The following MYBPC1 variants were observed in gnomAD, a reference collection of about 807,000 sequenced individuals.
MYBPC1 encodes the protein myosin binding protein C1.
In MYBPC1, 52 loss-of-function variants were observed where a neutral mutation model predicts 147.1. The observed-to-expected ratio is 0.35, with a 90% CI of 0.28 to 0.45. MYBPC1 has a LOEUF of 0.45. Ranked by LOEUF, MYBPC1 falls within the 20% of genes least tolerant of loss-of-function variation. The pLI is 1.00. For missense variants in MYBPC1, 1,228 were observed against 1,440.3 expected (o/e 0.85, Z 2.39); for synonymous variants, 477 against 475.9 (o/e 1.00, Z -0.03).
chr12:101,662,213 A>G, intron 20 of MYBPC1, 145 bp from the exon 21 acceptor site: 1 of 667,560 alleles, frequency 1.5e-6, no homozygotes, highest in Non-Finnish European at 2.5e-6. Flanking sequence ...TTGGAATAAG[A>G]TAGGTTAAAA....
chr12:101,632,138 G>A lies in MYBPC1; in HGVS notation c.556G>A (p.Glu186Lys), dbSNP rs1370563966. 4 of 1,594,072 alleles carry A rather than the reference G, an allele frequency of 2.5e-6. No homozygotes were observed. Among genetic ancestry groups the A allele is most frequent in the African/African-American group, 2.7e-5 (2 of 74,486 alleles). Residue 186 changes from glutamate (E) to lysine (K), a missense_variant and splice_region_variant, in exon 8 of 32, where the codon GAA becomes AAA. By Grantham distance (56) the Glu-to-Lys change is moderately conservative. Transcript: ENST00000361466. ...CTGTTCATTTGATCTTGAAGTGCAC[G>A]GTAAGAGAGCCTTCTTGCCTAGATA... ...DSCSFDLEVH[E>K]STGTTPNIDI...
chr12:101,694,394 A>G, the MYBPC1 span, among the ~76,000 whole-genome samples: 2 of 152,226 alleles, frequency 1.3e-5, no homozygotes, highest in African/African-American at 4.8e-5. Context: ...ACAGAATGGT[A>G]TCCTGCCCCT....
At chr12:101,616,223 T>A (rs1284787862) in intron 2 of MYBPC1, among the ~76,000 whole-genome samples, 1 of 152,214 alleles carries the variant, frequency 6.6e-6, no homozygotes, top group Non-Finnish European at 1.5e-5. Context: ...CTAGTGTAGA[T>A]GTGTGACATT....
rs1888972853 is a variant in MYBPC1 at position 101,627,819 on chromosome 12, A to G, written c.178+15A>G. The G allele has an allele frequency of 1.2e-6, 2 of 1,612,070 alleles. No individual in the cohort carries two copies. Among genetic ancestry groups the G allele is most frequent in the African/African-American group, 2.7e-5 (2 of 74,858 alleles). On this transcript the variant is annotated intron_variant, in intron 5 of 31. Transcript: ENST00000361466. ...AAAAGATTCAGGTGAGCGCAAGCCC[A>G]GAGAAGGCATCCTGACCTCATCCTA... is the stretch of plus-strand genomic sequence containing the variant.
chr12:101,608,903 CAT>C (rs1404105513), intron 1 of MYBPC1, among the ~76,000 whole-genome samples: 1 of 152,130 alleles, frequency 6.6e-6, no homozygotes, highest in Non-Finnish European at 1.5e-5. Flanking sequence ...CAATGAAAGA[CAT>C]AGTGTTCCTT....
At chr12:101,666,385 C>G (rs1474873405) in intron 22 of MYBPC1, 1 of 302,456 alleles carries the variant, frequency 3.3e-6, no homozygotes, top group South Asian at 3.3e-5. Context: ...GCTGCTCCCC[C>G]GCAGATTCCA....
rs825073 is a variant in MYBPC1 at position 101,626,710 on chromosome 12, A to T, written c.104-162A>T. ...TTATTTTTTCTTTCTTTGCCTGAAA[A>T]ACTCAGGTTTCACTTTTCAGGTACC... On this transcript the variant is annotated intron_variant, in intron 3 of 31. Transcript: ENST00000361466. The T allele has an allele frequency of 0.47, 320,780 of 679,356 alleles. 78,299 individuals are homozygous for T. The highest frequency in any genetic ancestry group is 0.67 in the East Asian group (25,625 of 38,256). 42.1% of individuals were successfully genotyped at this position (679,356 alleles called of 1,614,324 possible). A position where few individuals can be genotyped will look rare whatever the true frequency, so the allele number is the denominator to read the frequency against.
chr12:101,598,723 G>A (rs1285377029), intron 1 of MYBPC1, among the ~76,000 whole-genome samples: 2 of 152,062 alleles, frequency 1.3e-5, no homozygotes, highest in Non-Finnish European at 2.9e-5. Flanking sequence ...ACAGATGCAT[G>A]CCATCATGCC....
In MYBPC1 at chr12:101,636,662, T is replaced by A. The variant is rs1891045910; in HGVS notation, c.609-10T>A. ...TAAACCCAGATTTGCTTTTCTTTTG[T>A]TAACGACAGTGGAGAAGGTCAAGAG... On this transcript the variant is annotated splice_polypyrimidine_tract_variant and intron_variant, in intron 9 of 31. Transcript: ENST00000361466. The A allele has an allele frequency of 6.8e-6, 11 of 1,613,428 alleles. No homozygotes were observed. The highest frequency in any genetic ancestry group is 1.7e-5 in the Admixed American group (1 of 60,014).
rs752615579 is a variant in MYBPC1, at chr12:101,606,875, A to C, written c.26-7621A>C. Among the ~76,000 whole-genome samples, 3 of 152,068 alleles carry C rather than the reference A, an allele frequency of 2.0e-5. No individual in the cohort carries two copies. The East Asian group carries it at 5.8e-4, about 29-fold the overall frequency. On this transcript the variant is annotated intron_variant, in intron 1 of 31. Coordinates refer to ENST00000361466, the MANE Select transcript of MYBPC1 (RefSeq NM_002465.4). ...TGTTTGAGTCTGTCACTCAGGCTGGAGTGCAGTGGTGCAATCTTGACTCAC... is the reference window on the plus strand; with the variant it reads ...TGTTTGAGTCTGTCACTCAGGCTGGCGTGCAGTGGTGCAATCTTGACTCAC...
chr12:101,634,229 C>A (rs1890554386), intron 8 of MYBPC1, among the ~76,000 whole-genome samples: 1 of 152,186 alleles, frequency 6.6e-6, no homozygotes, highest in East Asian at 1.9e-4. Context: ...ATATTGATTT[C>A]TGGGTGCCCC....
chr12:101,690,695 A>G (rs1456296488), downstream of MYBPC1, among the ~76,000 whole-genome samples: 1 of 152,212 alleles, frequency 6.6e-6, no homozygotes, highest in East Asian at 1.9e-4. Context: ...TGCTTTTGCA[A>G]TTTCAGATAA....
At chr12:101,636,537 A>G in intron 9 of MYBPC1, 135 bp from the exon 10 acceptor site, 1 of 746,034 alleles carries the variant, frequency 1.3e-6, no homozygotes, top group Non-Finnish European at 2.4e-6. Context: ...ACTTGTGTGA[A>G]AAGAAATAGT....
At chr12:101,637,688 T>C (rs1410178740) in intron 10 of MYBPC1, among the ~76,000 whole-genome samples, 1 of 152,188 alleles carries the variant, frequency 6.6e-6, no homozygotes, top group African/African-American at 2.4e-5. Flanking sequence ...AGACTACAAG[T>C]ACAAATATGC....
At chr12:101,643,749 T>C (rs925053208) in intron 11 of MYBPC1, among the ~76,000 whole-genome samples, 1 of 152,196 alleles carries the variant, frequency 6.6e-6, no homozygotes, top group East Asian at 1.9e-4. Flanking sequence ...ACTTTTTTTT[T>C]AATTGCTGTG....
chr12:101,666,884 A>G, intron 22 of MYBPC1: 1 of 789,254 alleles, frequency 1.3e-6, no homozygotes. Flanking sequence ...AAGAATACTC[A>G]TCACATACAT....
intron 11 of MYBPC1, 127 bp from the exon 12 acceptor site, chr12:101,644,537 T>C (rs1401402112): frequency 3.6e-6 from 3 of 841,696 alleles, no homozygotes; most frequent in Non-Finnish European, 5.8e-6. Flanking sequence ...ATTTGGAAGG[T>C]TTCTGATTTT....
chr12:101,612,587 T>G (rs1306135893), intron 1 of MYBPC1, among the ~76,000 whole-genome samples: 1 of 152,132 alleles, frequency 6.6e-6, no homozygotes, highest in Non-Finnish European at 1.5e-5. Context: ...AATAATGGGA[T>G]GAAACACAGT....
chr12:101,622,801 G>A (rs193119231), intron 3 of MYBPC1, among the ~76,000 whole-genome samples: 104 of 152,198 alleles, frequency 6.8e-4, no homozygotes, highest in African/African-American at 2.2e-3. Flanking sequence ...TGTTGATTAT[G>A]TTTTCTAGCA....
Sources: allele counts gnomAD v4.1 joint callset (sites outside exome capture counted in the v4.1 genomes callset), GRCh38; gene constraint gnomAD v4.1.1; transcripts MANE v1.5; gene names NCBI Gene and HGNC (gene_info 2026-07-23, HGNC 2026-07-21).